The following PUM3 variants were observed in gnomAD, a reference collection of about 807,000 sequenced individuals.
The protein encoded by PUM3 is pumilio RNA binding family member 3.
A neutral mutation model predicts 84.0 loss-of-function variants in PUM3; 91 were observed. The ratio of observed to expected loss-of-function variants is 1.08; its 90% CI spans 0.91 to 1.29. PUM3 has a LOEUF of 1.29. Among genes scored for constraint, PUM3 ranks in the 50% most tolerant of loss-of-function variants. PUM3 has a pLI of 0.00. For synonymous variants in PUM3, 321 were observed against 266.7 expected, an observed-to-expected ratio of 1.20 and a Z score of -1.98; for missense variants, 1,067 against 767.5, an observed-to-expected ratio of 1.39 and a Z score of -4.61.
intron 3 of PUM3, among the ~76,000 whole-genome samples, chr9:2,836,450 G>C (rs1225222702): frequency 6.6e-6 from 1 of 152,208 alleles, no homozygotes; most frequent in African/African-American, 2.4e-5. Flanking sequence ...AGAGAGCAAA[G>C]TTCTGGGTTA....
chr9:2,804,163 G>C lies in PUM3; in HGVS notation c.*168C>G, dbSNP rs1397536352. On this transcript the variant is annotated 3_prime_UTR_variant, in exon 18 of 18. Coordinates refer to ENST00000397885, the MANE Select transcript of PUM3 (RefSeq NM_014878.5). Reference sequence around the variant, plus strand: ...GGAGACAGCTGAGATTTTTAAAAAAGACCATTTAAAAAAACAATTTATATA... The same window carrying C: ...GGAGACAGCTGAGATTTTTAAAAAACACCATTTAAAAAAACAATTTATATA... 5.1e-6 allele frequency: 3 copies of C among 583,682 alleles called. No individual in the cohort carries two copies. The allele number at this position is 583,682 out of a possible 1,614,324, so 36.2% of individuals were successfully genotyped here. A position where few individuals can be genotyped will look rare whatever the true frequency, so the allele number is the denominator to read the frequency against.
chr9:2,820,566 T>C (rs910682225), intron 12 of PUM3, among the ~76,000 whole-genome samples: 2 of 152,036 alleles, frequency 1.3e-5, no homozygotes, highest in Non-Finnish European at 2.9e-5. Flanking sequence ...ACATAATACA[T>C]GTACACAGAA....
chr9:2,839,768 C>G (rs1389413162), intron 1 of PUM3, among the ~76,000 whole-genome samples: 1 of 152,228 alleles, frequency 6.6e-6, no homozygotes, highest in African/African-American at 2.4e-5. Flanking sequence ...CTGCATCTCT[C>G]AGCTCTTCTA....
At chr9:2,842,449 C>A (rs1816289626) in intron 1 of PUM3, among the ~76,000 whole-genome samples, 1 of 152,314 alleles carries the variant, frequency 6.6e-6, no homozygotes, top group East Asian at 1.9e-4. Flanking sequence ...CCACTCATCA[C>A]CACCACACAG....
At chr9:2,843,257 C>G (rs1031358488) in intron 1 of PUM3, among the ~76,000 whole-genome samples, 50 of 152,146 alleles carry the variant, frequency 3.3e-4, no homozygotes, top group Admixed American at 2.9e-3. Context: ...TAACTATACT[C>G]CTTCCTAGCT....
In PUM3 at chr9:2,833,439, A is replaced by G. The variant is rs369993916; in HGVS notation, c.441-7T>C. The G allele has an allele frequency of 2.0e-6, 3 of 1,497,152 alleles. No individual in the cohort carries two copies. Among genetic ancestry groups the G allele is most frequent in the Non-Finnish European group, 2.8e-6 (3 of 1,080,748 alleles). 92.7% of individuals were successfully genotyped at this position (1,497,152 alleles called of 1,614,324 possible). A position where few individuals can be genotyped will look rare whatever the true frequency, so the allele number is the denominator to read the frequency against. The stretch of plus-strand genomic sequence containing the variant: ...TTCTTTGTCACAGTCTTTTCTACAA[A>G]TGAGGAGAGGAAGGAAACACAGTTG... On this transcript the variant is annotated splice_polypyrimidine_tract_variant and splice_region_variant and intron_variant, in intron 4 of 17. Coordinates refer to ENST00000397885, the MANE Select transcript of PUM3 (RefSeq NM_014878.5).
intron 1 of PUM3, among the ~76,000 whole-genome samples, 162 bp downstream of exon 1, chr9:2,843,883 C>T (rs915421431): frequency 6.6e-5 from 10 of 152,264 alleles, no homozygotes; most frequent in African/African-American, 1.7e-4. Context: ...CGGCCAGTCC[C>T]GCCCTTCTTG....
At chr9:2,843,548 GGA>G (rs1253892529) in intron 1 of PUM3, among the ~76,000 whole-genome samples, 1 of 151,948 alleles carries the variant, frequency 6.6e-6, no homozygotes, top group African/African-American at 2.4e-5. Flanking sequence ...CAACGTGGTG[GGA>G]GAGAGGTCGG....
At chr9:2,835,013 C>CAAAAAA in intron 3 of PUM3, among the ~76,000 whole-genome samples, 1 of 119,970 alleles carries the variant, frequency 8.3e-6, no homozygotes, top group Middle Eastern at 4.2e-3. Flanking sequence ...GGGAAAAATG[C>CAAAAAA]AAAAAAAAAA....
rs1000866117 is a variant in PUM3 at position 2,831,431 on chromosome 9, G to A, written c.517-87C>T. ...ATTGTGACCTCTTCTGGAATTTCTTGTTAGAAAAAAAGGTAGTCTTCATGA... is the reference window on the plus strand; with the variant it reads ...ATTGTGACCTCTTCTGGAATTTCTTATTAGAAAAAAAGGTAGTCTTCATGA... On this transcript the variant is annotated intron_variant, in intron 5 of 17. Transcript: ENST00000397885. 2.6e-5 allele frequency: 22 copies of A among 844,576 alleles called. 1 individual carries two copies. In the East Asian group the frequency reaches 5.3e-4, roughly 20 times the overall value. The allele number at this position is 844,576 out of a possible 1,614,324, so 52.3% of individuals were successfully genotyped here.
At chr9:2,819,324 C>T (rs1267606718) in intron 13 of PUM3, among the ~76,000 whole-genome samples, 1 of 152,154 alleles carries the variant, frequency 6.6e-6, no homozygotes, top group Non-Finnish European at 1.5e-5. Flanking sequence ...CCTAAGAGGA[C>T]AATTGGTTTT....
intron 16 of PUM3, among the ~76,000 whole-genome samples, chr9:2,808,466 C>T (rs1821304407): frequency 1.3e-5 from 2 of 152,112 alleles, no homozygotes; most frequent in African/African-American, 2.4e-5. Flanking sequence ...TATTTGATTC[C>T]CAAGGTCGTG....
chr9:2,811,232 A>T, intron 15 of PUM3, 129 bp downstream of exon 15: 1 of 701,932 alleles, frequency 1.4e-6, no homozygotes, highest in Non-Finnish European at 2.5e-6. Flanking sequence ...TGCTGCTGTG[A>T]GAGGTTCTTG....
Position 2,804,235 on chromosome 9 carries a change from T to A in PUM3, c.*96A>T. ...GAAACACATATACAGAGTACCCCAA[T>A]TACCAGTATGGTGGACCCTACCCCT... On this transcript the variant is annotated 3_prime_UTR_variant, in exon 18 of 18. Coordinates refer to ENST00000397885, the MANE Select transcript of PUM3 (RefSeq NM_014878.5). The A allele has an allele frequency of 8.2e-7, 1 of 1,213,894 alleles. No homozygotes were observed. Among genetic ancestry groups the A allele is most frequent in the Non-Finnish European group, 1.2e-6 (1 of 861,702 alleles). 75.2% of individuals were successfully genotyped at this position (1,213,894 alleles called of 1,614,324 possible). A position where few individuals can be genotyped will look rare whatever the true frequency, so the allele number is the denominator to read the frequency against.
rs114294196 is a variant in PUM3 at position 2,818,113 on chromosome 9, G to A, written c.1269+1905C>T. Reference sequence around the variant, plus strand: ...TGCTTAGCAACACTAAGCTTTCCTGGTTATTTTTAAAAAGCACTGCATACT... The same window carrying A: ...TGCTTAGCAACACTAAGCTTTCCTGATTATTTTTAAAAAGCACTGCATACT... On this transcript the variant is annotated intron_variant, in intron 13 of 17. Transcript: ENST00000397885. Among the ~76,000 whole-genome samples, 681 of 152,344 alleles carry A rather than the reference G, an allele frequency of 4.5e-3. 5 individuals carry two copies. Among genetic ancestry groups the A allele is most frequent in the African/African-American group, 0.015 (616 of 41,566 alleles).
chr9:2,805,048 G>T (rs73639219), intron 17 of PUM3, among the ~76,000 whole-genome samples: 4,371 of 152,224 alleles, frequency 0.029, 220 homozygotes, highest in African/African-American at 0.1. Flanking sequence ...CTACCACTCA[G>T]TAACTGTACA....
chr9:2,819,656 T>A (rs985822859), intron 13 of PUM3, among the ~76,000 whole-genome samples: 2 of 152,192 alleles, frequency 1.3e-5, no homozygotes, highest in African/African-American at 4.8e-5. Context: ...AGTTCTGGAA[T>A]AACTAAGGAA....
intron 8 of PUM3, among the ~76,000 whole-genome samples, chr9:2,829,467 C>T (rs533321495): frequency 6.6e-6 from 1 of 152,322 alleles, no homozygotes; most frequent in East Asian, 1.9e-4. Context: ...ACTTTGCTAA[C>T]TATTGGGAGT....
intron 17 of PUM3, among the ~76,000 whole-genome samples, chr9:2,807,533 G>A (rs892298394): frequency 4.7e-5 from 6 of 127,494 alleles, no homozygotes; most frequent in African/African-American, 1.5e-4. Flanking sequence ...AGCCCAGGAG[G>A]TTGAGGCTGC....
Sources: gnomAD v4.1 joint callset for allele counts (sites outside exome capture counted in the v4.1 genomes callset) on GRCh38, gnomAD v4.1.1 for gene constraint, MANE v1.5 for transcripts, NCBI Gene and HGNC (gene_info 2026-07-23, HGNC 2026-07-21) for gene names.